The following NETO1 variants were observed in gnomAD, a reference collection of about 807,000 sequenced individuals.
NETO1 encodes the protein neuropilin and tolloid-like protein 1.
Under a neutral mutation model 61.3 loss-of-function variants are expected in NETO1, and 26 were observed. That is an observed-to-expected ratio of 0.42 (90% CI 0.31 to 0.59). NETO1 has a LOEUF of 0.59. Ranked by LOEUF, NETO1 falls within the 20% of genes least tolerant of loss-of-function variation. NETO1 has a pLI of 0.12. For missense variants in NETO1, 531 were observed against 662.8 expected, an observed-to-expected ratio of 0.80 and a Z score of 2.18; for synonymous variants, 225 against 225.8, an observed-to-expected ratio of 1.00 and a Z score of 0.03.
intron 4 of NETO1, among the ~76,000 whole-genome samples, chr18:72,824,501 A>G (rs756043518): frequency 1.4e-4 from 21 of 152,256 alleles, no homozygotes; most frequent in Non-Finnish European, 2.9e-4. Context: ...TGAGACTATC[A>G]TCACATGAGA....
At chr18:72,851,312 G>C (rs1368760117) in intron 4 of NETO1, among the ~76,000 whole-genome samples, 1 of 152,088 alleles carries the variant, frequency 6.6e-6, no homozygotes, top group Non-Finnish European at 1.5e-5. Flanking sequence ...TAGGGAGGCT[G>C]AGGCAGGAGA....
intron 4 of NETO1, among the ~76,000 whole-genome samples, chr18:72,809,956 G>A (rs148639330): frequency 3.0e-4 from 45 of 152,234 alleles, no homozygotes; most frequent in Non-Finnish European, 5.7e-4. Flanking sequence ...TATTTAGCTC[G>A]AAAATAATAC....
chr18:72,803,678 A>G (rs1225058436), intron 4 of NETO1, among the ~76,000 whole-genome samples: 5 of 152,074 alleles, frequency 3.3e-5, no homozygotes, highest in African/African-American at 4.8e-5. Context: ...AAAATTAGTC[A>G]GGTGTGGTGG....
intron 7 of NETO1, among the ~76,000 whole-genome samples, chr18:72,767,709 A>C (rs180792471): frequency 1.9e-4 from 29 of 152,186 alleles, no homozygotes; most frequent in Admixed American, 1.9e-3. Flanking sequence ...ACTCAATCAA[A>C]AGCTTTAAAA....
At chr18:72,817,196 CCTG>C (rs1454179606) in intron 4 of NETO1, among the ~76,000 whole-genome samples, 4 of 152,212 alleles carry the variant, frequency 2.6e-5, no homozygotes, top group Non-Finnish European at 5.9e-5. Flanking sequence ...CATGGCGGTT[CCTG>C]CTGCTACCTT....
intron 7 of NETO1, among the ~76,000 whole-genome samples, chr18:72,775,636 G>C (rs1241830174): frequency 6.6e-6 from 1 of 152,130 alleles, no homozygotes; most frequent in Non-Finnish European, 1.5e-5. Context: ...TGACATATGA[G>C]AATAACTGTT....
At chr18:72,815,591 TAAC>T (rs372878389) in intron 4 of NETO1, among the ~76,000 whole-genome samples, 46 of 152,256 alleles carry the variant, frequency 3.0e-4, no homozygotes, top group African/African-American at 1.1e-3. Context: ...GCAATTAAAA[TAAC>T]AACGTGTGAT....
intron 7 of NETO1, among the ~76,000 whole-genome samples, chr18:72,777,751 A>C (rs2145206076): frequency 6.6e-6 from 1 of 152,302 alleles, no homozygotes; most frequent in Admixed American, 6.5e-5. Context: ...TCAAATAAAC[A>C]AACAAACAAA....
intron 8 of NETO1, among the ~76,000 whole-genome samples, chr18:72,752,433 CGAAGT>C (rs2070651637): frequency 6.6e-6 from 1 of 152,110 alleles, no homozygotes; most frequent in South Asian, 2.1e-4. Context: ...GCTGATGGTG[CGAAGT>C]CCAAGGCGGT....
chr18:72,816,830 G>A (rs1442852969), intron 4 of NETO1, among the ~76,000 whole-genome samples: 1 of 152,158 alleles, frequency 6.6e-6, no homozygotes, highest in Non-Finnish European at 1.5e-5. Context: ...GAAAACCACA[G>A]TTGAAGAGCT....
At chr18:72,838,455 T>G (rs2073824379) in intron 4 of NETO1, among the ~76,000 whole-genome samples, 1 of 152,236 alleles carries the variant, frequency 6.6e-6, no homozygotes, top group African/African-American at 2.4e-5. Flanking sequence ...GTTTCAGCAG[T>G]GACCACTTGG....
At position 72,745,596 on chromosome 18, in the gene NETO1, T is replaced by C. The variant is rs903348999; in HGVS notation, c.*2583A>G. ...AAGTCTTGAGACATCTCATTCCTTA[T>C]CTATGTGTGTCACCACCTTTAGAAT... On this transcript the variant is annotated 3_prime_UTR_variant, in exon 11 of 11. Transcript: ENST00000327305. 2.6e-5 allele frequency: 4 copies of C among 152,194 alleles called. No homozygotes were observed. The highest frequency in any genetic ancestry group is 5.9e-5 in the Non-Finnish European group (4 of 68,030). 9.4% of individuals were successfully genotyped at this position (152,194 alleles called of 1,614,324 possible). A position where few individuals can be genotyped will look rare whatever the true frequency, so the allele number is the denominator to read the frequency against.
At chr18:72,782,072 T>C (rs2071760548) in intron 7 of NETO1, among the ~76,000 whole-genome samples, 1 of 152,164 alleles carries the variant, frequency 6.6e-6, no homozygotes, top group Non-Finnish European at 1.5e-5. Flanking sequence ...AGTGTTTAGC[T>C]CTCACTTATT....
chr18:72,777,440 AAC>A (rs199813249), intron 7 of NETO1, among the ~76,000 whole-genome samples: 54,084 of 134,520 alleles, frequency 0.4, 11,303 homozygotes, highest in African/African-American at 0.55. Flanking sequence ...ACAAAACAAC[AAC>A]AAAAAAAAAA....
Position 72,867,413 on chromosome 18 carries a change from A to C in NETO1, c.-122T>G. On this transcript the variant is annotated 5_prime_UTR_variant, in exon 1 of 11. Coordinates refer to ENST00000327305, the MANE Select transcript of NETO1 (RefSeq NM_138966.5). ...AAAGACGCAAAGCAAGAAGGAAATA[A>C]AGGGGGGCCGAGAGGGAGACCGAGA... The C allele has an allele frequency of 3.2e-6, 2 of 629,920 alleles. No individual in the cohort carries two copies. The highest frequency in any genetic ancestry group is 5.0e-6 in the Non-Finnish European group (2 of 398,104). The allele number at this position is 629,920 out of a possible 1,614,324, so 39.0% of individuals were successfully genotyped here.
At chr18:72,782,346 A>T (rs1277369045) in intron 7 of NETO1, among the ~76,000 whole-genome samples, 4 of 152,178 alleles carry the variant, frequency 2.6e-5, no homozygotes, top group African/African-American at 7.2e-5. Context: ...TTATGACAGA[A>T]CGATTTATAC....
At position 72,750,610 on chromosome 18, in the gene NETO1, T is replaced by C; in HGVS notation, c.993A>G (p.Lys331=). ...TGGTCAGCTGGTCCAGCAGGCTGGTTTTCCTCTTCTCTATAGGTTGGAGAG... is the reference window on the plus strand; with the variant it reads ...TGGTCAGCTGGTCCAGCAGGCTGGTCTTCCTCTTCTCTATAGGTTGGAGAG... ...WDENHCKEKR[K]TSLLDQLTNT... The change falls in exon 9 of 11, where the codon AAA becomes AAG. Residue 331 remains lysine (K), a synonymous_variant. Coordinates refer to ENST00000327305, the MANE Select transcript of NETO1 (RefSeq NM_138966.5). 1 of 1,604,372 alleles carries C rather than the reference T, an allele frequency of 6.2e-7. No individual in the cohort carries two copies. Among genetic ancestry groups the C allele is most frequent in the South Asian group, 1.1e-5 (1 of 90,966 alleles).
At position 72,772,749 on chromosome 18, in the gene NETO1, C is replaced by CTATA. The variant is rs1555684116; in HGVS notation, c.868+10925_868+10928dup. ...GTATCATGTACACACACACATCTCT[C>CTATA]TATATATATCTATATATATATATAT... On this transcript the variant is annotated intron_variant, in intron 7 of 10. Transcript: ENST00000327305. Among the ~76,000 whole-genome samples the CTATA allele has an allele frequency of 2.6e-4, 7 of 27,138 alleles. No homozygotes were observed. The South Asian group carries it at 0.014, about 54-fold the overall frequency. 17.8% of individuals were successfully genotyped at this position (27,138 alleles called of 152,430 possible). A position where few individuals can be genotyped will look rare whatever the true frequency, so the allele number is the denominator to read the frequency against.
intron 4 of NETO1, among the ~76,000 whole-genome samples, chr18:72,798,095 A>T (rs746874967): frequency 1.5e-4 from 23 of 152,238 alleles, no homozygotes; most frequent in Non-Finnish European, 3.1e-4. Context: ...AACTTCTCTA[A>T]GGATGGGTTC....
Sources: allele counts gnomAD v4.1 joint callset (sites outside exome capture counted in the v4.1 genomes callset), GRCh38; gene constraint gnomAD v4.1.1; transcripts MANE v1.5; gene names NCBI Gene and HGNC (gene_info 2026-07-23, HGNC 2026-07-21).